Variants in ANO10 observed in about 807,000 individuals in gnomAD.
ANO10 encodes the protein anoctamin 10, also known as anoctamin-10.
A neutral mutation model predicts 74.7 loss-of-function variants in ANO10; 77 were observed. That is an observed-to-expected ratio of 1.03 (90% CI 0.86 to 1.25). ANO10 has a LOEUF of 1.25. Ranked by LOEUF, ANO10 falls within the 50% of genes most tolerant of loss-of-function variation. ANO10 has a pLI of 0.00. For synonymous variants in ANO10, 279 were observed against 284.9 expected, an observed-to-expected ratio of 0.98 and a Z score of 0.21; for missense variants, 721 against 778.1, an observed-to-expected ratio of 0.93 and a Z score of 0.87.
chr3:43,390,139 A>T (rs569445862), intron 12 of ANO10, among the ~76,000 whole-genome samples: 14 of 152,192 alleles, frequency 9.2e-5, no homozygotes, highest in Non-Finnish European at 1.5e-4. Flanking sequence ...ATGGTATTTA[A>T]AATGTGCTGA....
At chr3:43,570,172 G>C (rs1271129583) in intron 7 of ANO10, among the ~76,000 whole-genome samples, 1 of 134,040 alleles carries the variant, frequency 7.5e-6, no homozygotes, top group African/African-American at 2.8e-5. Flanking sequence ...CACTGCTCAA[G>C]GAAATAAAAG....
intron 12 of ANO10, among the ~76,000 whole-genome samples, chr3:43,426,923 A>G (rs915411695): frequency 6.6e-6 from 1 of 152,134 alleles, no homozygotes; most frequent in African/African-American, 2.4e-5. Flanking sequence ...ATTTGTACCA[A>G]AAAAGATCTG....
At chr3:43,646,939 C>T (rs745909021) in intron 1 of ANO10, among the ~76,000 whole-genome samples, 10 of 152,160 alleles carry the variant, frequency 6.6e-5, no homozygotes, top group South Asian at 2.1e-4. Flanking sequence ...GGGGGTACAA[C>T]ATCTGGAAGG....
At chr3:43,580,774 T>G (rs1414640687) in intron 4 of ANO10, among the ~76,000 whole-genome samples, 1 of 152,142 alleles carries the variant, frequency 6.6e-6, no homozygotes, top group Non-Finnish European at 1.5e-5. Context: ...TAAAAAGCAA[T>G]ATAGTGTATA....
In ANO10 at chr3:43,366,607, A is replaced by G; in HGVS notation, c.*299T>C. On this transcript the variant is annotated 3_prime_UTR_variant, in exon 13 of 13. Transcript: ENST00000292246. ...GAGAGCTGGTGGCTCACTCATGGTG[A>G]GAGGCTCAAGGGCGGCAGTGGCTCT... 1 of 486,724 alleles carries G rather than the reference A, an allele frequency of 2.1e-6. No homozygotes were observed. Among genetic ancestry groups the G allele is most frequent in the East Asian group, 4.0e-5 (1 of 25,258 alleles). 30.2% of individuals were successfully genotyped at this position (486,724 alleles called of 1,614,324 possible). A position where few individuals can be genotyped will look rare whatever the true frequency, so the allele number is the denominator to read the frequency against.
At chr3:43,411,681 G>C (rs1274938716) in intron 12 of ANO10, among the ~76,000 whole-genome samples, 1 of 152,124 alleles carries the variant, frequency 6.6e-6, no homozygotes, top group Non-Finnish European at 1.5e-5. Context: ...TACAACAATG[G>C]AAAACTCATA....
At chr3:43,399,163 C>T (rs1228079061) in intron 12 of ANO10, among the ~76,000 whole-genome samples, 3 of 152,142 alleles carry the variant, frequency 2.0e-5, no homozygotes, top group Admixed American at 1.3e-4. Context: ...GATTTACATG[C>T]GAAACACTTA....
chr3:43,663,937 A>G (rs1290956414), intron 1 of ANO10, among the ~76,000 whole-genome samples: 1 of 152,200 alleles, frequency 6.6e-6, no homozygotes, highest in Non-Finnish European at 1.5e-5. Flanking sequence ...AATCAATATC[A>G]TGAAAACGGC....
At chr3:43,598,471 G>C in intron 4 of ANO10, 61 bp downstream of exon 4, 1 of 1,526,168 alleles carries the variant, frequency 6.6e-7, no homozygotes, top group Non-Finnish European at 9.0e-7. Flanking sequence ...AGGGAAAAAA[G>C]GCATCTATAA....
intron 11 of ANO10, among the ~76,000 whole-genome samples, chr3:43,531,205 G>C (rs947284115): frequency 6.6e-6 from 1 of 152,116 alleles, no homozygotes; most frequent in African/African-American, 2.4e-5. Flanking sequence ...AAAACAAAAT[G>C]ACAGATCTTC....
rs1301155992 is a variant in ANO10 at position 43,567,674 on chromosome 3, C to G, written c.1219-1947G>C. Among the ~76,000 whole-genome samples the G allele has an allele frequency of 7.3e-5, 11 of 151,178 alleles. No individual in the cohort carries two copies. The East Asian group carries it at 2.1e-3, about 29-fold the overall frequency. On this transcript the variant is annotated intron_variant, in intron 7 of 12. Coordinates refer to ENST00000292246, the MANE Select transcript of ANO10 (RefSeq NM_018075.5). ...CACCAGGCCTGCCTTACAAGAGCTC[C>G]TGAAGGAAGCACTAAACATGGAAAG...
At chr3:43,487,168 T>C in intron 11 of ANO10, among the ~76,000 whole-genome samples, 1 of 150,696 alleles carries the variant, frequency 6.6e-6, no homozygotes, top group African/African-American at 2.4e-5. Flanking sequence ...TTGATCACGG[T>C]GGATAAGCTT....
At position 43,407,318 on chromosome 3, in the gene ANO10, G is replaced by A. The variant is rs925003; in HGVS notation, c.1914+25293C>T. Among the ~76,000 whole-genome samples the A allele has an allele frequency of 5.4e-3, 820 of 152,226 alleles. 9 individuals are homozygous for A. Among genetic ancestry groups the A allele is most frequent in the African/African-American group, 0.019 (780 of 41,544 alleles). ...TTGCATGGCTTTTCTGTGCCAGCGCGCAGACTGGAATTCAGACCACAGATT... is the reference window on the plus strand; with the variant it reads ...TTGCATGGCTTTTCTGTGCCAGCGCACAGACTGGAATTCAGACCACAGATT... On this transcript the variant is annotated intron_variant, in intron 12 of 12. Transcript: ENST00000292246.
At chr3:43,368,285 C>T (rs1250589448) in intron 12 of ANO10, among the ~76,000 whole-genome samples, 2 of 152,090 alleles carry the variant, frequency 1.3e-5, no homozygotes, top group African/African-American at 2.4e-5. Context: ...AGTTTACCTG[C>T]GGTGGGGGTA....
chr3:43,551,105 T>C (rs938703406), intron 10 of ANO10, among the ~76,000 whole-genome samples: 2 of 152,248 alleles, frequency 1.3e-5, no homozygotes, highest in Non-Finnish European at 2.9e-5. Context: ...TCAGAATTTA[T>C]GTAACCATTT....
At chr3:43,652,633 G>C (rs1260966465) in intron 1 of ANO10, among the ~76,000 whole-genome samples, 1 of 152,074 alleles carries the variant, frequency 6.6e-6, no homozygotes, top group African/African-American at 2.4e-5. Flanking sequence ...CCTTAAGTGG[G>C]TGGATTTTAA....
At chr3:43,526,549 A>G (rs2078206173) in intron 11 of ANO10, among the ~76,000 whole-genome samples, 1 of 152,240 alleles carries the variant, frequency 6.6e-6, no homozygotes, top group Non-Finnish European at 1.5e-5. Flanking sequence ...TATAACATAT[A>G]CAGAATTTAA....
chr3:43,498,775 A>G (rs753967635), intron 11 of ANO10, among the ~76,000 whole-genome samples: 1 of 152,190 alleles, frequency 6.6e-6, no homozygotes, highest in Non-Finnish European at 1.5e-5. Flanking sequence ...TATGAATGGG[A>G]CTGTCCTTTT....
intron 10 of ANO10, among the ~76,000 whole-genome samples, chr3:43,554,588 AC>A: frequency 6.6e-6 from 1 of 152,294 alleles, no homozygotes; most frequent in South Asian, 2.1e-4. Flanking sequence ...TTTCTCTGAC[AC>A]CATTCCAGCA....
Sources: gnomAD v4.1 joint callset for allele counts (sites outside exome capture counted in the v4.1 genomes callset) on GRCh38, gnomAD v4.1.1 for gene constraint, MANE v1.5 for transcripts, NCBI Gene and HGNC (gene_info 2026-07-23, HGNC 2026-07-21) for gene names.